Variants in SCARA5 observed in about 807,000 individuals in gnomAD.
SCARA5 encodes the protein scavenger receptor class A member 5.
A neutral mutation model predicts 46.3 loss-of-function variants in SCARA5; 45 were observed. The ratio of observed to expected loss-of-function variants is 0.97; its 90% CI spans 0.76 to 1.24. SCARA5 has a LOEUF of 1.24. Ranked by LOEUF, SCARA5 falls within the 50% of genes most tolerant of loss-of-function variation. The pLI, the probability that SCARA5 is intolerant of heterozygous loss-of-function variation, is 0.00. For missense variants in SCARA5, 680 were observed against 689.0 expected, an observed-to-expected ratio of 0.99 and a Z score of 0.15; for synonymous variants, 333 against 306.5, an observed-to-expected ratio of 1.09 and a Z score of -0.90.
chr8:27,935,648 TCTCAGCACTGCCCAGCCAGGCCAGAGGAC>T (rs1807843157), intron 3 of SCARA5, among the ~76,000 whole-genome samples: 1 of 152,024 alleles, frequency 6.6e-6, no homozygotes, highest in East Asian at 1.9e-4. Flanking sequence ...GGGCTCAGGA[TCTCAGCACTGCCCAGCCAGGCCAGAGGAC>T]CCGGGAGCAC....
Position 27,879,559 on chromosome 8 carries a change from A to G in SCARA5, c.1351+10T>C. The stretch of plus-strand genomic sequence containing the variant: ...CTCTCCTCATGTTTTTTGCCCTCAG[A>G]GCGCCTTACCTTGCCCGAATCGAGC... On this transcript the variant is annotated intron_variant, in intron 8 of 8. Transcript: ENST00000354914. 1 of 1,603,396 alleles carries G rather than the reference A, an allele frequency of 6.2e-7. No individual in the cohort carries two copies. The highest frequency in any genetic ancestry group is 8.5e-7 in the Non-Finnish European group (1 of 1,179,230).
chr8:27,889,528 C>T (rs4527830), intron 7 of SCARA5, among the ~76,000 whole-genome samples: 16 of 151,764 alleles, frequency 1.1e-4, no homozygotes, highest in Non-Finnish European at 2.2e-4. Flanking sequence ...ACTTAGCCCT[C>T]GGGCCAGTTC....
chr8:27,983,754 G>A (rs912415438), intron 2 of SCARA5, among the ~76,000 whole-genome samples: 1 of 152,160 alleles, frequency 6.6e-6, no homozygotes, highest in African/African-American at 2.4e-5. Flanking sequence ...ATCACACCCA[G>A]CAGGAACACT....
At chr8:27,892,606 C>CTTTT (rs1230257718) in intron 7 of SCARA5, among the ~76,000 whole-genome samples, 8 of 127,032 alleles carry the variant, frequency 6.3e-5, no homozygotes, top group African/African-American at 1.3e-4. Context: ...ATACCTCACC[C>CTTTT]TTTTTTTTTT....
intron 3 of SCARA5, among the ~76,000 whole-genome samples, chr8:27,953,436 G>A (rs190253045): frequency 2.6e-4 from 40 of 152,354 alleles, no homozygotes; most frequent in South Asian, 8.3e-4. Context: ...TAGAGGGTCC[G>A]ACAGTGGAGA....
intron 3 of SCARA5, among the ~76,000 whole-genome samples, chr8:27,934,930 G>A (rs573187743): frequency 1.3e-5 from 2 of 152,332 alleles, no homozygotes; most frequent in South Asian, 2.1e-4. Flanking sequence ...GAAGTCTCAC[G>A]GCCAGCATGA....
At position 27,938,069 on chromosome 8, in the gene SCARA5, C is replaced by T. The variant is rs1030870675; in HGVS notation, c.242-15824G>A. On this transcript the variant is annotated intron_variant, in intron 3 of 8. Coordinates refer to ENST00000354914, the MANE Select transcript of SCARA5 (RefSeq NM_173833.6). The stretch of plus-strand genomic sequence containing the variant: ...GGAAAGAAGTTGGGGTGGGCAGTAA[C>T]GGCGGGTGCCCATTTCCAAGCTGTG... Among the ~76,000 whole-genome samples, 10 of 152,148 alleles carry T rather than the reference C, an allele frequency of 6.6e-5. No homozygotes were observed. The South Asian group carries it at 8.3e-4, about 13-fold the overall frequency.
chr8:27,936,143 T>C (rs1807853278), intron 3 of SCARA5, among the ~76,000 whole-genome samples: 1 of 152,068 alleles, frequency 6.6e-6, no homozygotes, highest in Non-Finnish European at 1.5e-5. Flanking sequence ...AGAGAGACTT[T>C]CCTTCTCTGC....
intron 2 of SCARA5, among the ~76,000 whole-genome samples, chr8:27,970,959 G>A (rs1044832261): frequency 2.0e-5 from 3 of 152,166 alleles, no homozygotes; most frequent in Non-Finnish European, 4.4e-5. Flanking sequence ...CAGTATTAGG[G>A]TAATTTCTTA....
At chr8:27,953,166 A>G (rs984374681) in intron 3 of SCARA5, among the ~76,000 whole-genome samples, 1 of 152,220 alleles carries the variant, frequency 6.6e-6, no homozygotes, top group African/African-American at 2.4e-5. Flanking sequence ...GAGGGAACCC[A>G]GGGGGCCAGG....
intron 3 of SCARA5, among the ~76,000 whole-genome samples, chr8:27,932,977 C>G (rs1371246199): frequency 1.3e-5 from 2 of 152,182 alleles, no homozygotes; most frequent in Non-Finnish European, 2.9e-5. Context: ...GGATCAGGGC[C>G]CTCCCTTATG....
At chr8:27,946,467 C>T (rs1343513866) in intron 3 of SCARA5, among the ~76,000 whole-genome samples, 1 of 152,228 alleles carries the variant, frequency 6.6e-6, no homozygotes, top group African/African-American at 2.4e-5. Context: ...ATTCAATCAA[C>T]CACGGATAGA....
At chr8:27,879,846 AC>A in intron 7 of SCARA5, 80 bp from the exon 8 acceptor site, 1 of 1,389,810 alleles carries the variant, frequency 7.2e-7, no homozygotes. Context: ...GACTCCGCCT[AC>A]CCCTGGGTAG....
intron 3 of SCARA5, among the ~76,000 whole-genome samples, chr8:27,932,789 C>T (rs2685315): frequency 0.34 from 51,509 of 152,110 alleles, 8,868 homozygotes; most frequent in East Asian, 0.37. Flanking sequence ...CCACCATAGC[C>T]GGCTAATTTT....
At chr8:27,952,424 T>G (rs1426210275) in intron 3 of SCARA5, among the ~76,000 whole-genome samples, 1 of 152,148 alleles carries the variant, frequency 6.6e-6, no homozygotes, top group Non-Finnish European at 1.5e-5. Context: ...GGGGTGGAGA[T>G]CCCAGTCTTT....
intron 3 of SCARA5, among the ~76,000 whole-genome samples, chr8:27,964,656 C>T (rs934640318): frequency 2.0e-5 from 3 of 152,066 alleles, no homozygotes; most frequent in Non-Finnish European, 4.4e-5. Flanking sequence ...CTTCTGGGGT[C>T]ACATAGAGTA....
intron 3 of SCARA5, among the ~76,000 whole-genome samples, chr8:27,944,040 G>T: frequency 6.6e-6 from 1 of 152,128 alleles, no homozygotes; most frequent in Non-Finnish European, 1.5e-5. Context: ...TTTAACCTAC[G>T]TCAATCATGG....
chr8:27,876,241 GA>G (rs1806721774), intron 8 of SCARA5, among the ~76,000 whole-genome samples: 2 of 152,332 alleles, frequency 1.3e-5, no homozygotes, highest in African/African-American at 4.8e-5. Context: ...CTGAAGCTTA[GA>G]GAGGGTAGGG....
At chr8:27,922,448 G>C (rs1475562517) in intron 3 of SCARA5, among the ~76,000 whole-genome samples, 3 of 152,150 alleles carry the variant, frequency 2.0e-5, no homozygotes, top group Admixed American at 2.0e-4. Context: ...CTGCACATTA[G>C]ATTACCTGGC....
Sources: allele counts gnomAD v4.1 joint callset (sites outside exome capture counted in the v4.1 genomes callset), GRCh38; gene constraint gnomAD v4.1.1; transcripts MANE v1.5; gene names NCBI Gene and HGNC (gene_info 2026-07-23, HGNC 2026-07-21).